The following UNC5D variants were observed in gnomAD, a reference collection of about 807,000 sequenced individuals.
UNC5D encodes the protein netrin receptor UNC5D.
UNC5D carries 39 observed loss-of-function variants against 105.4 expected under a neutral mutation model. The ratio of observed to expected loss-of-function variants is 0.37; its 90% CI spans 0.29 to 0.48. The LOEUF is 0.48. Ranked by LOEUF, UNC5D falls within the 20% of genes least tolerant of loss-of-function variation. The pLI is 0.98. For synonymous variants in UNC5D, 452 were observed against 450.4 expected, an observed-to-expected ratio of 1.00 and a Z score of -0.04; for missense variants, 991 against 1,202.4, an observed-to-expected ratio of 0.82 and a Z score of 2.60.
chr8:35,424,048 C>T (rs1206715839), intron 1 of UNC5D, among the ~76,000 whole-genome samples: 1 of 152,148 alleles, frequency 6.6e-6, no homozygotes. Context: ...CATCCTCCCA[C>T]CTTGGCTTCC....
At chr8:35,271,673 AC>A in intron 1 of UNC5D, among the ~76,000 whole-genome samples, 4 of 50,306 alleles carry the variant, frequency 8.0e-5, no homozygotes, top group Non-Finnish European at 1.7e-4. Context: ...ATACAGGTAT[AC>A]ATATATATGT....
At chr8:35,684,872 T>G (rs992337252) in intron 6 of UNC5D, 123 bp downstream of exon 6, 1 of 1,250,374 alleles carries the variant, frequency 8.0e-7, no homozygotes. Context: ...AATAGAACAT[T>G]TATCCAAGGT....
In UNC5D at chr8:35,487,593, A is replaced by ACACACACACACACACACACACACCCCC. The variant is rs1415748793; in HGVS notation, c.104-61698_104-61697insACACACACACACACACACACACCCCCC. On this transcript the variant is annotated intron_variant, in intron 1 of 16. Coordinates refer to ENST00000404895, the MANE Select transcript of UNC5D (RefSeq NM_080872.4). ...CACACACACACACACACACACACAC[A>ACACACACACACACACACACACACCCCC]CCCCACAGACTGTTAGTTTTAGTTC... Among the ~76,000 whole-genome samples, 29 of 150,584 alleles carry ACACACACACACACACACACACACCCCC rather than the reference A, an allele frequency of 1.9e-4. 1 individual carries two copies. Among genetic ancestry groups the ACACACACACACACACACACACACCCCC allele is most frequent in the African/African-American group, 6.9e-4 (28 of 40,708 alleles).
intron 1 of UNC5D, among the ~76,000 whole-genome samples, chr8:35,314,432 G>A (rs1386022338): frequency 6.6e-6 from 1 of 152,084 alleles, no homozygotes; most frequent in Admixed American, 6.6e-5. Flanking sequence ...TCTGCATGAA[G>A]ACCTAGAAAA....
At chr8:35,450,646 G>A (rs573877972) in intron 1 of UNC5D, among the ~76,000 whole-genome samples, 1 of 152,032 alleles carries the variant, frequency 6.6e-6, no homozygotes, top group Admixed American at 6.5e-5. Context: ...TATTTCTGAC[G>A]GTAATCTGCA....
At chr8:35,587,965 A>AATATATAT (rs57681405) in intron 3 of UNC5D, among the ~76,000 whole-genome samples, 3,510 of 104,950 alleles carry the variant, frequency 0.033, 181 homozygotes, top group Non-Finnish European at 0.041. Context: ...TAACTATAAT[A>AATATATAT]ATATATATAT....
In UNC5D at chr8:35,672,936, G is replaced by A. The variant is rs371003595; in HGVS notation, c.571-10611G>A. ...GACAAGAGACACACAATGTCAGAAC[G>A]TAAAATTCTGTGATCAGTATTCAGG... On this transcript the variant is annotated intron_variant, in intron 4 of 16. Coordinates refer to ENST00000404895, the MANE Select transcript of UNC5D (RefSeq NM_080872.4). Among the ~76,000 whole-genome samples, 114 of 152,314 alleles carry A rather than the reference G, an allele frequency of 7.5e-4. 3 individuals are homozygous for A. In the South Asian group the frequency reaches 0.021, roughly 29 times the overall value.
At chr8:35,623,957 G>T (rs1186047131) in intron 4 of UNC5D, among the ~76,000 whole-genome samples, 1 of 152,052 alleles carries the variant, frequency 6.6e-6, no homozygotes, top group East Asian at 1.9e-4. Context: ...GTGGGCGCCT[G>T]TAGTCCCAGC....
chr8:35,282,576 A>G (rs1244829827), intron 1 of UNC5D, among the ~76,000 whole-genome samples: 1 of 152,192 alleles, frequency 6.6e-6, no homozygotes, highest in African/African-American at 2.4e-5. Flanking sequence ...TGATACCAAA[A>G]TTAATATAGA....
intron 4 of UNC5D, among the ~76,000 whole-genome samples, chr8:35,615,099 C>T (rs1820953703): frequency 7.3e-6 from 1 of 137,304 alleles, no homozygotes; most frequent in Non-Finnish European, 1.5e-5. Flanking sequence ...AATTAGCTGG[C>T]ATGGTGGCGC....
intron 1 of UNC5D, among the ~76,000 whole-genome samples, chr8:35,410,145 A>G (rs1805070758): frequency 6.6e-6 from 1 of 152,038 alleles, no homozygotes; most frequent in African/African-American, 2.4e-5. Flanking sequence ...GAGAAAATCT[A>G]GTAACTCACA....
chr8:35,544,806 T>C (rs1167467372), intron 1 of UNC5D, among the ~76,000 whole-genome samples: 1 of 152,052 alleles, frequency 6.6e-6, no homozygotes, highest in Non-Finnish European at 1.5e-5. Context: ...TTTCACCATG[T>C]TGGCCAGGCT....
chr8:35,576,610 G>T (rs1033476252), intron 3 of UNC5D, among the ~76,000 whole-genome samples: 2 of 151,958 alleles, frequency 1.3e-5, no homozygotes, highest in African/African-American at 4.8e-5. Context: ...TTGTTTGTTT[G>T]TTTGTTTGTT....
intron 2 of UNC5D, among the ~76,000 whole-genome samples, chr8:35,562,732 T>G (rs990037557): frequency 2.0e-5 from 3 of 152,164 alleles, no homozygotes; most frequent in African/African-American, 7.2e-5. Flanking sequence ...GTCAGATAGA[T>G]AGTTTGCAAA....
chr8:35,681,146 G>T (rs1176926683), intron 4 of UNC5D, among the ~76,000 whole-genome samples: 1 of 152,178 alleles, frequency 6.6e-6, no homozygotes, highest in Non-Finnish European at 1.5e-5. Flanking sequence ...AGACAGACCA[G>T]TTAGTTAAGA....
rs1211555161 is a variant in UNC5D at position 35,258,883 on chromosome 8, C to A, written c.103+22996C>A. On this transcript the variant is annotated intron_variant, in intron 1 of 16. Coordinates refer to ENST00000404895, the MANE Select transcript of UNC5D (RefSeq NM_080872.4). ...TAGGAGTTTACCCAGAGGAAGTGAT[C>A]ACTGATCTGTGTGGTGAATTTTGAG... 5.9e-5 allele frequency among the ~76,000 whole-genome samples: 9 copies of A among 152,152 alleles called. No homozygotes were observed. The South Asian group carries it at 1.9e-3, about 32-fold the overall frequency.
At chr8:35,752,480 A>C (rs1830333709) in intron 13 of UNC5D, among the ~76,000 whole-genome samples, 1 of 152,134 alleles carries the variant, frequency 6.6e-6, no homozygotes. Flanking sequence ...ACCGCCCCTG[A>C]GTATCTCTTA....
At chr8:35,476,121 C>T (rs938255065) in intron 1 of UNC5D, among the ~76,000 whole-genome samples, 2 of 152,156 alleles carry the variant, frequency 1.3e-5, no homozygotes, top group African/African-American at 4.8e-5. Context: ...TGGAATAATT[C>T]TCTTTGGCTC....
chr8:35,437,636 C>T (rs1056075602), intron 1 of UNC5D, among the ~76,000 whole-genome samples: 3 of 152,064 alleles, frequency 2.0e-5, no homozygotes, highest in African/African-American at 7.2e-5. Context: ...AACACCCACC[C>T]ACGGAGTCTT....
Sources: allele counts gnomAD v4.1 joint callset (sites outside exome capture counted in the v4.1 genomes callset), GRCh38; gene constraint gnomAD v4.1.1; transcripts MANE v1.5; gene names NCBI Gene and HGNC (gene_info 2026-07-23, HGNC 2026-07-21).